C10orf90: variants seen among roughly 807,000 people sequenced by gnomAD.
C10orf90 encodes the protein (E2-independent) E3 ubiquitin-conjugating enzyme FATS.
C10orf90 carries 56 observed loss-of-function variants against 62.5 expected under a neutral mutation model. That is an observed-to-expected ratio of 0.90 (90% CI 0.72 to 1.12). The LOEUF is 1.12. Among genes scored for constraint, C10orf90 ranks in the 50% most tolerant of loss-of-function variants. The pLI is 0.00. For missense variants in C10orf90, 970 were observed against 880.4 expected (o/e 1.10, Z -1.29); for synonymous variants, 386 against 340.4 (o/e 1.13, Z -1.47).
rs1280238262 is a variant in C10orf90, at chr10:126,453,998, G to C, written c.2188+5042C>G. The stretch of plus-strand genomic sequence containing the variant: ...GGGGTGAGGGATGGAATCCAGGGAG[G>C]CTCTGAAGCTGGGCCCCCAGCCTAG... On this transcript the variant is annotated intron_variant, in intron 7 of 9. Transcript: ENST00000488181. The surrounding 1 kb of genome is among the most constrained non-coding windows in gnomAD (Gnocchi z 4.9). Among the ~76,000 whole-genome samples, 2 of 152,118 alleles carry C rather than the reference G, an allele frequency of 1.3e-5. No individual in the cohort carries two copies. The highest frequency in any genetic ancestry group is 2.9e-5 in the Non-Finnish European group (2 of 68,016).
At chr10:126,648,807 G>A (rs1846221431) in intron 1 of C10orf90, among the ~76,000 whole-genome samples, 1 of 152,148 alleles carries the variant, frequency 6.6e-6, no homozygotes, top group South Asian at 2.1e-4. Flanking sequence ...TTGTTGTCTT[G>A]TGTGGTTCTT....
At chr10:126,612,870 C>G (rs1845467468) in intron 2 of C10orf90, among the ~76,000 whole-genome samples, 1 of 152,146 alleles carries the variant, frequency 6.6e-6, no homozygotes, top group African/African-American at 2.4e-5. Flanking sequence ...CCAATTAATA[C>G]TTTTCAGCTT....
chr10:126,660,628 G>A (rs1270427177), intron 1 of C10orf90, among the ~76,000 whole-genome samples: 4 of 151,972 alleles, frequency 2.6e-5, no homozygotes, highest in African/African-American at 9.7e-5. Flanking sequence ...TCAACCTGAA[G>A]ACATCCTAAT....
At chr10:126,653,362 T>G (rs1316067776) in intron 1 of C10orf90, among the ~76,000 whole-genome samples, 1 of 152,228 alleles carries the variant, frequency 6.6e-6, no homozygotes, top group African/African-American at 2.4e-5. Flanking sequence ...ATCAACAAAT[T>G]TATAGAATAT....
At chr10:126,483,885 G>A (rs544577445) in intron 4 of C10orf90, among the ~76,000 whole-genome samples, 3 of 152,234 alleles carry the variant, frequency 2.0e-5, no homozygotes, top group South Asian at 4.2e-4. Context: ...CTCCAAGACT[G>A]TGCATTTCTG....
chr10:126,665,438 C>G (rs564252501), intron 1 of C10orf90, among the ~76,000 whole-genome samples: 28 of 152,302 alleles, frequency 1.8e-4, no homozygotes, highest in African/African-American at 5.8e-4. Flanking sequence ...AGCCCAAGTA[C>G]TTAACTTGAG....
intron 4 of C10orf90, among the ~76,000 whole-genome samples, chr10:126,489,983 A>G (rs1326720883): frequency 1.8e-5 from 2 of 110,422 alleles, no homozygotes; most frequent in Non-Finnish European, 3.5e-5. Flanking sequence ...CATATAATAT[A>G]TATATAATAT....
At chr10:126,465,944 T>G (rs6597771) in intron 4 of C10orf90, among the ~76,000 whole-genome samples, 8 of 152,014 alleles carry the variant, frequency 5.3e-5, no homozygotes, top group African/African-American at 1.9e-4. Flanking sequence ...AGAGAAGATG[T>G]GGGAGACTGT....
intron 4 of C10orf90, among the ~76,000 whole-genome samples, chr10:126,478,622 C>T (rs1174546862): frequency 6.6e-6 from 1 of 152,158 alleles, no homozygotes; most frequent in Admixed American, 6.5e-5. Context: ...GTTTCCTGCC[C>T]TTTTTGCCAG....
chr10:126,569,263 T>A (rs1235987705), intron 2 of C10orf90, among the ~76,000 whole-genome samples: 1 of 152,148 alleles, frequency 6.6e-6, no homozygotes, highest in African/African-American at 2.4e-5. Context: ...GAGAACCTCT[T>A]GTTAGTGCCA....
intron 2 of C10orf90, among the ~76,000 whole-genome samples, chr10:126,532,215 T>G (rs189002992): frequency 2.0e-5 from 3 of 152,290 alleles, no homozygotes; most frequent in Admixed American, 1.3e-4. Flanking sequence ...GTCCCTAACT[T>G]GACCTGTGGC....
intron 7 of C10orf90, among the ~76,000 whole-genome samples, chr10:126,457,651 A>T (rs1368894582): frequency 6.6e-6 from 1 of 152,212 alleles, no homozygotes; most frequent in African/African-American, 2.4e-5. Context: ...GCTCTCAAGT[A>T]GCATCTTCAG....
intron 3 of C10orf90, among the ~76,000 whole-genome samples, chr10:126,513,578 TC>T (rs971277923): frequency 3.3e-5 from 5 of 152,228 alleles, no homozygotes; most frequent in Non-Finnish European, 7.3e-5. Flanking sequence ...GGCATAATTC[TC>T]CCTCTCTTTC....
At chr10:126,525,259 T>C (rs983277916) in intron 2 of C10orf90, among the ~76,000 whole-genome samples, 1 of 152,198 alleles carries the variant, frequency 6.6e-6, no homozygotes, top group Non-Finnish European at 1.5e-5. Flanking sequence ...TGGAGGCGCA[T>C]TCGGCCCACT....
At position 126,504,418 on chromosome 10, in the gene C10orf90, G is replaced by C; in HGVS notation, c.1073C>G (p.Pro358Arg). 1 of 1,614,198 alleles carries C rather than the reference G, an allele frequency of 6.2e-7. No homozygotes were observed. The highest frequency in any genetic ancestry group is 8.5e-7 in the Non-Finnish European group (1 of 1,180,036). Residue 358 changes from proline (P) to arginine (R), a missense_variant, in exon 4 of 10, where the codon CCA (proline) becomes CGA (arginine). Physicochemically the swap from Pro to Arg is moderately radical, Grantham distance 103. Transcript: ENST00000488181. This position sits in a 1 kb window ranked among gnomAD's most constrained non-coding sequence, Gnocchi z 4.1. Reference sequence around the variant, plus strand: ...CTTGTCTACGTAATAGATTGAATCTGGACACTGCTGAGACACCCTGAGGTG... The same window carrying C: ...CTTGTCTACGTAATAGATTGAATCTCGACACTGCTGAGACACCCTGAGGTG... ...CVHLRVSQQC[P>R]DSIYYVDKSL...
intron 5 of C10orf90, among the ~76,000 whole-genome samples, 188 bp from the exon 6 acceptor site, chr10:126,461,773 C>T (rs1444751144): frequency 2.6e-5 from 4 of 152,160 alleles, no homozygotes; most frequent in East Asian, 1.9e-4. Context: ...CAAGGAAGAG[C>T]GTTTGCATTC....
chr10:126,639,019 A>G (rs1846008929), intron 2 of C10orf90, among the ~76,000 whole-genome samples: 1 of 152,244 alleles, frequency 6.6e-6, no homozygotes, highest in South Asian at 2.1e-4. Flanking sequence ...ACTCTTAGAC[A>G]TGCGGGAATG....
chr10:126,615,112 G>T (rs1286268812), intron 2 of C10orf90, among the ~76,000 whole-genome samples: 1 of 152,200 alleles, frequency 6.6e-6, no homozygotes, highest in Non-Finnish European at 1.5e-5. Flanking sequence ...CTGGGCTGAG[G>T]TTATTCAGAT....
chr10:126,635,187 G>A (rs1302181920), intron 2 of C10orf90, among the ~76,000 whole-genome samples: 1 of 152,214 alleles, frequency 6.6e-6, no homozygotes, highest in African/African-American at 2.4e-5. Flanking sequence ...GCACTGGTAT[G>A]AAGGTTCTAA....
Sources: gnomAD v4.1 joint callset for allele counts (sites outside exome capture counted in the v4.1 genomes callset) on GRCh38, gnomAD v4.1.1 for gene constraint, Gnocchi (gnomAD v3.1) non-coding constraint, MANE v1.5 for transcripts, NCBI Gene and HGNC (gene_info 2026-07-23, HGNC 2026-07-21) for gene names.